The following CADM2 variants were observed in gnomAD, a reference collection of about 807,000 sequenced individuals.
The protein encoded by CADM2 is immunoglobulin superfamily member 4D.
Under a neutral mutation model 49.8 loss-of-function variants are expected in CADM2, and 12 were observed. The ratio of observed to expected loss-of-function variants is 0.24; its 90% CI spans 0.15 to 0.39. The LOEUF (loss-of-function observed/expected upper bound fraction) is 0.39. Ranked by LOEUF, CADM2 falls within the 10% of genes least tolerant of loss-of-function variation. The pLI, the probability that CADM2 is intolerant of heterozygous loss-of-function variation, is 1.00. For missense variants in CADM2, 378 were observed against 492.3 expected, an observed-to-expected ratio of 0.77 and a Z score of 2.20; for synonymous variants, 214 against 175.4, an observed-to-expected ratio of 1.22 and a Z score of -1.74.
chr3:85,939,504 A>ACACACACAC (rs1721587998), intron 7 of CADM2, among the ~76,000 whole-genome samples: 2 of 51,330 alleles, frequency 3.9e-5, no homozygotes, highest in African/African-American at 1.7e-4. Flanking sequence ...CACACACACA[A>ACACACACAC]CATGAAACCT....
intron 1 of CADM2, among the ~76,000 whole-genome samples, chr3:85,479,953 C>A (rs1211250615): frequency 6.6e-6 from 1 of 151,754 alleles, no homozygotes; most frequent in East Asian, 1.9e-4. Context: ...ACGTAACTTT[C>A]TGGTGGTGAG....
chr3:85,453,334 T>G (rs548919064), intron 1 of CADM2, among the ~76,000 whole-genome samples: 1 of 152,118 alleles, frequency 6.6e-6, no homozygotes, highest in African/African-American at 2.4e-5. Flanking sequence ...GGTTTCCATA[T>G]ATTAATATTA....
At chr3:85,650,640 T>C (rs1236118210) in intron 1 of CADM2, among the ~76,000 whole-genome samples, 1 of 151,840 alleles carries the variant, frequency 6.6e-6, no homozygotes, top group Non-Finnish European at 1.5e-5. Flanking sequence ...TTATTTCTAT[T>C]GAATCAGGAA....
rs115268847 is a variant in CADM2 at position 85,778,936 on chromosome 3, C to T, written c.89-23111C>T. On this transcript the variant is annotated intron_variant, in intron 2 of 9. Transcript: ENST00000383699. ...GTGCAACACACAAAGATCTATTGGA[C>T]TTCAGCAATAAACAAAGAAATCCAT... Among the ~76,000 whole-genome samples the T allele has an allele frequency of 8.3e-3, 1,261 of 152,230 alleles. 5 individuals carry two copies. The highest frequency in any genetic ancestry group is 0.027 in the Middle Eastern group (8 of 294).
chr3:86,024,392 A>C (rs1432773401), intron 8 of CADM2, among the ~76,000 whole-genome samples: 2 of 152,238 alleles, frequency 1.3e-5, no homozygotes, highest in Admixed American at 1.3e-4. Context: ...TGAGTTATAC[A>C]TTAGAATTTT....
chr3:85,200,905 A>C, intron 1 of CADM2, among the ~76,000 whole-genome samples: 1 of 152,298 alleles, frequency 6.6e-6, no homozygotes, highest in Admixed American at 6.5e-5. Context: ...TCTATCTTAA[A>C]GTAATTATAT....
intron 1 of CADM2, among the ~76,000 whole-genome samples, chr3:85,354,360 G>C (rs1437372682): frequency 3.4e-5 from 4 of 116,972 alleles, no homozygotes; most frequent in South Asian, 3.6e-4. Context: ...TTGTGGGGTG[G>C]GGGGAGGGGG....
At chr3:85,311,879 A>T (rs948741124) in intron 1 of CADM2, among the ~76,000 whole-genome samples, 1 of 152,182 alleles carries the variant, frequency 6.6e-6, no homozygotes, top group African/African-American at 2.4e-5. Context: ...CCTCCAGCAG[A>T]AAACAGTCGT....
chr3:86,007,537 T>G, intron 8 of CADM2, among the ~76,000 whole-genome samples: 1 of 152,224 alleles, frequency 6.6e-6, no homozygotes, highest in East Asian at 1.9e-4. Context: ...CAGGTTGTTC[T>G]ATTGCAATAG....
chr3:85,332,936 C>G (rs1033527691), intron 1 of CADM2, among the ~76,000 whole-genome samples: 1 of 151,846 alleles, frequency 6.6e-6, no homozygotes, highest in African/African-American at 2.4e-5. Flanking sequence ...AGATTATTCT[C>G]ATGGTCCCAC....
intron 8 of CADM2, chr3:86,013,603 G>C (rs1731824322): frequency 1.9e-6 from 3 of 1,599,972 alleles, no homozygotes; most frequent in South Asian, 2.2e-5. Context: ...AGGGAAGAGA[G>C]AGAATCACAC....
intron 1 of CADM2, among the ~76,000 whole-genome samples, chr3:85,461,977 C>T (rs2038267971): frequency 6.6e-6 from 1 of 152,240 alleles, no homozygotes; most frequent in Non-Finnish European, 1.5e-5. Flanking sequence ...TAGAAAAGTG[C>T]TCTGATTCCA....
chr3:85,478,284 A>G (rs919966404), intron 1 of CADM2, among the ~76,000 whole-genome samples: 12 of 151,982 alleles, frequency 7.9e-5, no homozygotes, highest in Non-Finnish European at 1.6e-4. Context: ...AAAAACTCAA[A>G]TTTTCAAAAA....
chr3:85,964,231 A>G (rs1263338016), intron 8 of CADM2, among the ~76,000 whole-genome samples: 1 of 151,800 alleles, frequency 6.6e-6, no homozygotes, highest in Non-Finnish European at 1.5e-5. Flanking sequence ...ATTTGTGAGA[A>G]CTTTACCCTT....
chr3:85,849,269 A>G (rs770793108), intron 3 of CADM2, among the ~76,000 whole-genome samples: 1 of 152,230 alleles, frequency 6.6e-6, no homozygotes, highest in South Asian at 2.1e-4. Flanking sequence ...GTAAGATTAT[A>G]TACTTTCTTA....
chr3:85,376,321 G>A (rs2033591769), intron 1 of CADM2, among the ~76,000 whole-genome samples: 1 of 151,994 alleles, frequency 6.6e-6, no homozygotes, highest in South Asian at 2.1e-4. Context: ...CTCACAGCAG[G>A]GACAGTGAGA....
In CADM2 at chr3:85,096,710, T is replaced by C. The variant is rs547679466; in HGVS notation, c.61+137042T>C. Among the ~76,000 whole-genome samples, 5 of 152,174 alleles carry C rather than the reference T, an allele frequency of 3.3e-5. No individual in the cohort carries two copies. The East Asian group carries it at 9.7e-4, about 29-fold the overall frequency. On this transcript the variant is annotated intron_variant, in intron 1 of 9. Transcript: ENST00000383699. The stretch of plus-strand genomic sequence containing the variant: ...TGAAGAATTCCCAGACTGAGGTAAA[T>C]GGGTTGATATAGATCTCTAAACATT...
At chr3:85,161,772 C>G (rs1415131159) in intron 1 of CADM2, among the ~76,000 whole-genome samples, 1 of 152,052 alleles carries the variant, frequency 6.6e-6, no homozygotes, top group African/African-American at 2.4e-5. Flanking sequence ...AATCACAGCA[C>G]TTTGGGAGGC....
At chr3:85,427,934 A>C (rs1363627092) in intron 1 of CADM2, among the ~76,000 whole-genome samples, 5 of 152,068 alleles carry the variant, frequency 3.3e-5, no homozygotes, top group Non-Finnish European at 5.9e-5. Context: ...GAATTGAATG[A>C]CTTGTGATAT....
Sources: allele counts gnomAD v4.1 joint callset (sites outside exome capture counted in the v4.1 genomes callset), GRCh38; gene constraint gnomAD v4.1.1; transcripts MANE v1.5; gene names NCBI Gene and HGNC (gene_info 2026-07-23, HGNC 2026-07-21).